Variants in ZNF554 observed in about 807,000 individuals in gnomAD.
ZNF554 encodes the protein zinc finger protein 554.
In ZNF554, 15 loss-of-function variants were observed where a neutral mutation model predicts 21.2. The observed-to-expected ratio is 0.71, with a 90% CI of 0.47 to 1.09. The LOEUF is 1.09. Ranked by LOEUF, ZNF554 falls within the 50% of genes least tolerant of loss-of-function variation. The pLI is 0.00. For missense variants in ZNF554, 691 were observed against 662.7 expected (o/e 1.04, Z -0.47); for synonymous variants, 258 against 251.4 (o/e 1.03, Z -0.25).
chr19:2,819,939 C>CG lies in ZNF554; in HGVS notation c.-127dup, dbSNP rs908665859. ...GCGGCGAGTTCCTGAGGGGCGCCTG[C>CG]GGGGGGCGTCCGCTCCGAGCGCCGA... On this transcript the variant is annotated 5_prime_UTR_variant, in exon 1 of 5. Coordinates refer to ENST00000317243, the MANE Select transcript of ZNF554 (RefSeq NM_001102651.2). 3.0e-5 allele frequency: 19 copies of CG among 642,382 alleles called. No homozygotes were observed. Among genetic ancestry groups the CG allele is most frequent in the Admixed American group, 2.4e-4 (5 of 20,656 alleles). The allele number at this position is 642,382 out of a possible 1,614,324, so 39.8% of individuals were successfully genotyped here.
rs138948134 is a variant in ZNF554, at chr19:2,825,601, T to C, written c.127-2016T>C. Reference sequence around the variant, plus strand: ...CCTGGAGTGGGATTTTTAAAATATTTTAAAAATTTTTTGTAGAAACTGGGT... The same window carrying C: ...CCTGGAGTGGGATTTTTAAAATATTCTAAAAATTTTTTGTAGAAACTGGGT... On this transcript the variant is annotated intron_variant, in intron 2 of 4. Coordinates refer to ENST00000317243, the MANE Select transcript of ZNF554 (RefSeq NM_001102651.2). Among the ~76,000 whole-genome samples, 134 of 152,356 alleles carry C rather than the reference T, an allele frequency of 8.8e-4. 1 individual carries two copies. Among genetic ancestry groups the C allele is most frequent in the African/African-American group, 3.1e-3 (129 of 41,582 alleles).
At position 2,833,824 on chromosome 19, in the gene ZNF554, C is replaced by A. The variant is rs2087453475; in HGVS notation, c.589C>A (p.Gln197Lys). 1 of 1,612,740 alleles carries A rather than the reference C, an allele frequency of 6.2e-7. No homozygotes were observed. Among genetic ancestry groups the A allele is most frequent in the African/African-American group, 1.3e-5 (1 of 74,870 alleles). The change falls in exon 5 of 5, where the codon CAG becomes AAG. Residue 197 changes from glutamine to lysine, a missense_variant. Gln to Lys is a moderately conservative substitution (Grantham distance 53). Transcript: ENST00000317243. ...GTTAGAGGACAGCCATGAAGACCCC[C>A]AGGGGCTTTTGAGCCAAAAGGCATC... is the stretch of plus-strand genomic sequence containing the variant. ...KQLEDSHEDP[Q>K]GLLSQKASLH...
rs996293732 is a variant in ZNF554 at position 2,835,173 on chromosome 19, A to G, written c.*321A>G. The G allele has an allele frequency of 2.1e-5, 5 of 233,358 alleles. No homozygotes were observed. Among genetic ancestry groups the G allele is most frequent in the Non-Finnish European group, 4.3e-5 (5 of 117,234 alleles). 14.5% of individuals were successfully genotyped at this position (233,358 alleles called of 1,614,324 possible). A position where few individuals can be genotyped will look rare whatever the true frequency, so the allele number is the denominator to read the frequency against. On this transcript the variant is annotated 3_prime_UTR_variant, in exon 5 of 5. Coordinates refer to ENST00000317243, the MANE Select transcript of ZNF554 (RefSeq NM_001102651.2). ...ACCACCACGCCCAGCAAATTTTTAAATTTATTATAGAGTGGGAGGCAGGGT... is the reference window on the plus strand; with the variant it reads ...ACCACCACGCCCAGCAAATTTTTAAGTTTATTATAGAGTGGGAGGCAGGGT...
intron 3 of ZNF554, 78 bp downstream of exon 3, chr19:2,827,821 TAAAG>T (rs2144812543): frequency 1.9e-6 from 3 of 1,556,560 alleles, no homozygotes; most frequent in African/African-American, 1.4e-5. Flanking sequence ...ACACTGCTAA[TAAAG>T]AAATACCCAA....
rs1431882532 is a variant in ZNF554 at position 2,821,253 on chromosome 19, A to G, written c.53+1129A>G. On this transcript the variant is annotated intron_variant, in intron 1 of 4. Coordinates refer to ENST00000317243, the MANE Select transcript of ZNF554 (RefSeq NM_001102651.2). The surrounding 1 kb of genome is among the most constrained non-coding windows in gnomAD (Gnocchi z 8.2). ...AGGTGCACGCCACCCCGCCTGGCTA[A>G]TTTTTATATTTTTAGTAGATACAGA... Among the ~76,000 whole-genome samples the G allele has an allele frequency of 6.6e-6, 1 of 151,338 alleles. No individual in the cohort carries two copies. Among genetic ancestry groups the G allele is most frequent in the Non-Finnish European group, 1.5e-5 (1 of 67,974 alleles).
chr19:2,834,146 C>T lies in ZNF554; in HGVS notation c.911C>T (p.Ser304Leu). The T allele has an allele frequency of 6.2e-7, 1 of 1,613,988 alleles. No individual in the cohort carries two copies. Among genetic ancestry groups the T allele is most frequent in the Non-Finnish European group, 8.5e-7 (1 of 1,180,046 alleles). ...KMFVYLENGQSLNHGMALTIH... is the reference protein window; with the variant it reads ...KMFVYLENGQLLNHGMALTIH... ...TTTGTGTATTTGGAAAATGGGCAGT[C>T]ATTGAACCACGGTATGGCCCTGACT... is the stretch of plus-strand genomic sequence containing the variant. Residue 304 changes from serine to leucine, a missense_variant, in exon 5 of 5, where the codon TCA becomes TTA. Physicochemically the swap from Ser to Leu is moderately radical, Grantham distance 145. Coordinates refer to ENST00000317243, the MANE Select transcript of ZNF554 (RefSeq NM_001102651.2).
Position 2,834,446 on chromosome 19 carries a change from G to C in ZNF554, c.1211G>C (p.Gly404Ala). 6.2e-7 allele frequency: 1 copy of C among 1,614,004 alleles called. No individual in the cohort carries two copies. The highest frequency in any genetic ancestry group is 8.5e-7 in the Non-Finnish European group (1 of 1,180,014). The change falls in exon 5 of 5, where the codon GGG (glycine) becomes GCG (alanine). Residue 404 changes from glycine (G) to alanine (A), a missense_variant. Transcript: ENST00000317243. ...ACTCAGCATCAGAGGATTCACACCG[G>C]GGAAAAGCCCTATAAATGTGAAGAC... ...SLTQHQRIHT[G>A]EKPYKCEDCG... is the part of the protein sequence containing the mutation.
Position 2,834,739 on chromosome 19 carries a change from A to T in ZNF554, c.1504A>T (p.Ser502Cys). The T allele has an allele frequency of 6.2e-7, 1 of 1,614,064 alleles. No individual in the cohort carries two copies. The highest frequency in any genetic ancestry group is 8.5e-7 in the Non-Finnish European group (1 of 1,179,946). Reference sequence around the variant, plus strand: ...GTGTCAGGAATGTGGGAAAGCCTTCAGCCAGAGCTCATCCCTTGTCACACA... The same window carrying T: ...GTGTCAGGAATGTGGGAAAGCCTTCTGCCAGAGCTCATCCCTTGTCACACA... ...YRCQECGKAF[S>C]QSSSLVTHQK... Residue 502 changes from serine (S) to cysteine (C), a missense_variant, in exon 5 of 5, where the codon AGC becomes TGC. Ser to Cys is a moderately radical substitution (Grantham distance 112). Coordinates refer to ENST00000317243, the MANE Select transcript of ZNF554 (RefSeq NM_001102651.2).
intron 2 of ZNF554, among the ~76,000 whole-genome samples, chr19:2,824,922 G>A (rs1282232424): frequency 2.0e-5 from 3 of 150,778 alleles, no homozygotes; most frequent in Admixed American, 1.3e-4. Context: ...GACAACTCTA[G>A]GGACCTCCTA....
rs2087464506 is a variant in ZNF554 at position 2,834,249 on chromosome 19, T to G, written c.1014T>G (p.Ser338=). 1 of 1,613,964 alleles carries G rather than the reference T, an allele frequency of 6.2e-7. No homozygotes were observed. The highest frequency in any genetic ancestry group is 1.3e-5 in the African/African-American group (1 of 74,916). Residue 338 remains serine (S), a synonymous_variant, in exon 5 of 5, where the codon TCT becomes TCG. Coordinates refer to ENST00000317243, the MANE Select transcript of ZNF554 (RefSeq NM_001102651.2). Reference sequence around the variant, plus strand: ...GGAAGGTGTTCAACCGGAGGCATTCTTTGAGCGAACATCAAAGAATTCACA... The same window carrying G: ...GGAAGGTGTTCAACCGGAGGCATTCGTTGAGCGAACATCAAAGAATTCACA... ...QCGKVFNRRH[S]LSEHQRIHTG...
At chr19:2,825,607 A>G (rs188209884) in intron 2 of ZNF554, among the ~76,000 whole-genome samples, 2 of 152,168 alleles carry the variant, frequency 1.3e-5, no homozygotes, top group African/African-American at 4.8e-5. Context: ...TATTTTAAAA[A>G]TTTTTTGTAG....
chr19:2,830,912 C>T (rs577083318), intron 3 of ZNF554: 9 of 152,148 alleles, frequency 5.9e-5, no homozygotes, highest in South Asian at 4.2e-4. Flanking sequence ...TACAGGCATG[C>T]GCCACCACAC....
At chr19:2,833,512 T>C (rs1198003772) in intron 4 of ZNF554, among the ~76,000 whole-genome samples, 169 bp from the exon 5 acceptor site, 1 of 152,214 alleles carries the variant, frequency 6.6e-6, no homozygotes. Context: ...CTCAGTGGCC[T>C]TCCTTGCCAC....
At chr19:2,825,404 C>T (rs1000207293) in intron 2 of ZNF554, among the ~76,000 whole-genome samples, 5 of 152,142 alleles carry the variant, frequency 3.3e-5, no homozygotes, top group Admixed American at 1.3e-4. Context: ...TCCCACCTCC[C>T]GGGTTCAAGC....
intron 2 of ZNF554, among the ~76,000 whole-genome samples, chr19:2,824,182 C>T (rs2087298449): frequency 6.6e-6 from 1 of 152,152 alleles, no homozygotes; most frequent in Non-Finnish European, 1.5e-5. Context: ...ACGGCTGCAC[C>T]CAGGAGCTCC....
intron 1 of ZNF554, among the ~76,000 whole-genome samples, chr19:2,822,321 G>A (rs912811652): frequency 6.6e-5 from 10 of 152,270 alleles, no homozygotes; most frequent in South Asian, 4.1e-4. Context: ...AAAGTGCTGG[G>A]ATTACAAGTA....
At position 2,821,107 on chromosome 19, in the gene ZNF554, C is replaced by A. The variant is rs2087257415; in HGVS notation, c.53+983C>A. Among the ~76,000 whole-genome samples the A allele has an allele frequency of 6.7e-6, 1 of 150,074 alleles. No homozygotes were observed. The highest frequency in any genetic ancestry group is 2.5e-5 in the African/African-American group (1 of 40,556). On this transcript the variant is annotated intron_variant, in intron 1 of 4. Coordinates refer to ENST00000317243, the MANE Select transcript of ZNF554 (RefSeq NM_001102651.2). This position sits in a 1 kb window ranked among gnomAD's most constrained non-coding sequence, Gnocchi z 8.2. Reference sequence around the variant, plus strand: ...TTCTTTTTCTTCTTCTTTTTTTTTTCTTGAGACAGTCTCGCCCTATTGCCC... The same window carrying A: ...TTCTTTTTCTTCTTCTTTTTTTTTTATTGAGACAGTCTCGCCCTATTGCCC...
chr19:2,821,387 A>T lies in ZNF554; in HGVS notation c.53+1263A>T, dbSNP rs527279243. On this transcript the variant is annotated intron_variant, in intron 1 of 4. Coordinates refer to ENST00000317243, the MANE Select transcript of ZNF554 (RefSeq NM_001102651.2). This position sits in a 1 kb window ranked among gnomAD's most constrained non-coding sequence, Gnocchi z 8.2. ...TGCGCCCGGCGCCTTTGGTTCTTACATGAGCCTCCTGGAGCTGCTGTGACA... is the reference window on the plus strand; with the variant it reads ...TGCGCCCGGCGCCTTTGGTTCTTACTTGAGCCTCCTGGAGCTGCTGTGACA... Among the ~76,000 whole-genome samples the T allele has an allele frequency of 6.6e-6, 1 of 152,058 alleles. No homozygotes were observed. Among genetic ancestry groups the T allele is most frequent in the East Asian group, 1.9e-4 (1 of 5,174 alleles).
intron 3 of ZNF554, among the ~76,000 whole-genome samples, chr19:2,829,662 C>CAT (rs1286969078): frequency 1.3e-5 from 2 of 151,942 alleles, no homozygotes; most frequent in South Asian, 4.2e-4. Flanking sequence ...AGTATATATA[C>CAT]ATATATATAT....
Sources: allele counts gnomAD v4.1 joint callset (sites outside exome capture counted in the v4.1 genomes callset), GRCh38; gene constraint gnomAD v4.1.1; non-coding constraint Gnocchi (gnomAD v3.1); transcripts MANE v1.5; gene names NCBI Gene and HGNC (gene_info 2026-07-23, HGNC 2026-07-21).